The following FRMD4A variants were observed in gnomAD, a reference collection of about 807,000 sequenced individuals.
FRMD4A encodes the protein FERM domain-containing protein 4A.
Under a neutral mutation model 129.1 loss-of-function variants are expected in FRMD4A, and 29 were observed. That is an observed-to-expected ratio of 0.22 (90% CI 0.17 to 0.31). FRMD4A has a LOEUF of 0.31. Among genes scored for constraint, FRMD4A ranks in the 10% least tolerant of loss-of-function variants. The pLI is 1.00. For synonymous variants in FRMD4A, 634 were observed against 571.6 expected, an observed-to-expected ratio of 1.11 and a Z score of -1.56; for missense variants, 1,272 against 1,375.8, an observed-to-expected ratio of 0.92 and a Z score of 1.19.
At chr10:14,088,785 C>CAAAAAAA (rs58056105) in intron 2 of FRMD4A, among the ~76,000 whole-genome samples, 3 of 73,808 alleles carry the variant, frequency 4.1e-5, no homozygotes, top group Admixed American at 1.7e-4. Flanking sequence ...GACTCTGTCT[C>CAAAAAAA]AAAAAAAAAA....
At chr10:13,691,279 C>T (rs1367536617) in intron 15 of FRMD4A, among the ~76,000 whole-genome samples, 2 of 152,204 alleles carry the variant, frequency 1.3e-5, no homozygotes, top group Non-Finnish European at 2.9e-5. Flanking sequence ...TGAGCCACTG[C>T]GCCCGGCCAG....
intron 15 of FRMD4A, among the ~76,000 whole-genome samples, chr10:13,682,367 A>C (rs2084672940): frequency 6.6e-6 from 1 of 152,178 alleles, no homozygotes. Flanking sequence ...CACCGTGGCC[A>C]CATCAATTCA....
intron 2 of FRMD4A, among the ~76,000 whole-genome samples, chr10:13,881,578 G>A (rs927723356): frequency 6.6e-6 from 1 of 152,158 alleles, no homozygotes; most frequent in Non-Finnish European, 1.5e-5. Flanking sequence ...AGTCCCTAGA[G>A]ATCTGCGCAG....
At chr10:13,920,456 G>T (rs1021679912) in intron 2 of FRMD4A, among the ~76,000 whole-genome samples, 4 of 152,210 alleles carry the variant, frequency 2.6e-5, no homozygotes, top group Non-Finnish European at 4.4e-5. Context: ...CTTTCATCCA[G>T]AATGCAGATT....
chr10:14,141,280 G>A (rs1044852437), intron 2 of FRMD4A, among the ~76,000 whole-genome samples: 7 of 152,126 alleles, frequency 4.6e-5, no homozygotes, highest in South Asian at 2.1e-4. Flanking sequence ...GATCCAAGTC[G>A]CTGAGGTATT....
chr10:14,299,516 G>A (rs187156751), intron 2 of FRMD4A, among the ~76,000 whole-genome samples: 30 of 152,344 alleles, frequency 2.0e-4, no homozygotes, highest in African/African-American at 7.2e-4. Context: ...AAGTGAGGCA[G>A]CTGAAAAGGT....
At chr10:14,258,176 T>G (rs1844680835) in intron 2 of FRMD4A, among the ~76,000 whole-genome samples, 1 of 151,824 alleles carries the variant, frequency 6.6e-6, no homozygotes, top group Non-Finnish European at 1.5e-5. Flanking sequence ...AAATACATTT[T>G]ACTTCAAAAA....
intron 2 of FRMD4A, among the ~76,000 whole-genome samples, chr10:14,185,779 C>A (rs6602711): frequency 0.5 from 75,361 of 151,632 alleles, 20,075 homozygotes; most frequent in African/African-American, 0.71. Context: ...GCAACAGATA[C>A]GTACAATCCA....
rs576939194 is a variant in FRMD4A at position 13,875,560 on chromosome 10, C to T, written c.46-16648G>A. Among the ~76,000 whole-genome samples, 93 of 152,248 alleles carry T rather than the reference C, an allele frequency of 6.1e-4. 1 individual carries two copies. Among genetic ancestry groups the T allele is most frequent in the African/African-American group, 2.0e-3 (84 of 41,542 alleles). ...CACGCACGTGCTAGAAGCCCAGCAT[C>T]GGAATAAGGGAATTAAGAGGTGCCC... On this transcript the variant is annotated intron_variant, in intron 2 of 24. Transcript: ENST00000357447.
intron 2 of FRMD4A, among the ~76,000 whole-genome samples, chr10:14,205,806 C>CAA (rs59803872): frequency 2.1e-4 from 14 of 67,302 alleles, no homozygotes; most frequent in African/African-American, 3.1e-4. Flanking sequence ...GACTCTGTCT[C>CAA]AAAAAAAAAA....
At chr10:14,301,189 C>T (rs1032102549) in intron 2 of FRMD4A, among the ~76,000 whole-genome samples, 5 of 152,220 alleles carry the variant, frequency 3.3e-5, no homozygotes, top group African/African-American at 1.2e-4. Flanking sequence ...ATGGGACTCT[C>T]ATATTTTGTA....
intron 15 of FRMD4A, chr10:13,684,471 G>T (rs2084899229): frequency 2.0e-6 from 2 of 985,226 alleles, no homozygotes; most frequent in African/African-American, 3.5e-5. Context: ...TCCAGCCGGG[G>T]ACAGCTGGGT....
At chr10:13,969,787 C>A (rs2095506907) in intron 2 of FRMD4A, among the ~76,000 whole-genome samples, 1 of 152,134 alleles carries the variant, frequency 6.6e-6, no homozygotes, top group African/African-American at 2.4e-5. Context: ...GTTGAGGCTG[C>A]AATGAGTCGT....
At chr10:14,305,450 T>C (rs1846317951) in intron 2 of FRMD4A, among the ~76,000 whole-genome samples, 1 of 152,224 alleles carries the variant, frequency 6.6e-6, no homozygotes, top group South Asian at 2.1e-4. Context: ...TATAACAATG[T>C]AACATATATT....
intron 2 of FRMD4A, among the ~76,000 whole-genome samples, chr10:13,924,765 A>G (rs2095111123): frequency 6.6e-6 from 1 of 152,144 alleles, no homozygotes; most frequent in Admixed American, 6.5e-5. Flanking sequence ...TGTTTAGAAG[A>G]GTACCTGTCA....
chr10:14,211,500 C>T (rs935168923), intron 2 of FRMD4A, among the ~76,000 whole-genome samples: 4 of 152,196 alleles, frequency 2.6e-5, no homozygotes, highest in African/African-American at 9.7e-5. Flanking sequence ...TTCTACAGAA[C>T]TGCTATAGGA....
intron 2 of FRMD4A, among the ~76,000 whole-genome samples, chr10:14,148,934 A>G (rs531358928): frequency 1.3e-5 from 2 of 152,284 alleles, no homozygotes; most frequent in South Asian, 2.1e-4. Context: ...CTGCATACAT[A>G]CCCAGACAAA....
At chr10:14,116,607 CAGT>C (rs1374059168) in intron 2 of FRMD4A, among the ~76,000 whole-genome samples, 1 of 152,142 alleles carries the variant, frequency 6.6e-6, no homozygotes, top group Non-Finnish European at 1.5e-5. Context: ...AAAGGAGACT[CAGT>C]GGGTTACAGA....
At chr10:13,687,809 G>C (rs184131305) in intron 15 of FRMD4A, among the ~76,000 whole-genome samples, 1 of 152,270 alleles carries the variant, frequency 6.6e-6, no homozygotes, top group African/African-American at 2.4e-5. Context: ...TGCACAAATG[G>C]ATTCAGGACG....
Sources: allele counts gnomAD v4.1 joint callset (sites outside exome capture counted in the v4.1 genomes callset), GRCh38; gene constraint gnomAD v4.1.1; transcripts MANE v1.5; gene names NCBI Gene and HGNC (gene_info 2026-07-23, HGNC 2026-07-21).